Variants in ESRRG observed in about 807,000 individuals in gnomAD.
ESRRG encodes the protein estrogen related receptor gamma, also known as estrogen-related receptor gamma.
A neutral mutation model predicts 44.0 loss-of-function variants in ESRRG; 13 were observed. That is an observed-to-expected ratio of 0.30 (90% confidence interval 0.19 to 0.47). ESRRG has a LOEUF of 0.47. ESRRG is among the 20% of genes least tolerant of loss of function. ESRRG has a pLI of 1.00. For synonymous variants in ESRRG, 215 were observed against 214.6 expected, an observed-to-expected ratio of 1.00 and a Z score of -0.02; for missense variants, 395 against 580.6, an observed-to-expected ratio of 0.68 and a Z score of 3.29.
At chr1:216,713,424 GC>G (rs2151990972) in intron 1 of ESRRG, among the ~76,000 whole-genome samples, 1 of 150,298 alleles carries the variant, frequency 6.7e-6, no homozygotes, top group South Asian at 2.1e-4. Flanking sequence ...ACTCACAGAT[GC>G]CCTAACTTAT....
intron 1 of ESRRG, among the ~76,000 whole-genome samples, chr1:217,008,930 T>G (rs545087083): frequency 6.6e-6 from 1 of 152,338 alleles, no homozygotes; most frequent in Non-Finnish European, 1.5e-5. Flanking sequence ...CTTGAGACTT[T>G]AATCAGAGAT....
chr1:216,562,784 G>T (rs1369234892), intron 5 of ESRRG, among the ~76,000 whole-genome samples: 2 of 151,986 alleles, frequency 1.3e-5, no homozygotes, highest in Non-Finnish European at 2.9e-5. Context: ...ACCTAAAAAA[G>T]TGTCTATGGA....
At chr1:216,607,549 A>G (rs1356074597) in intron 3 of ESRRG, among the ~76,000 whole-genome samples, 1 of 152,176 alleles carries the variant, frequency 6.6e-6, no homozygotes, top group Non-Finnish European at 1.5e-5. Context: ...CCTGTTTCTG[A>G]AACACCACTC....
At chr1:216,965,279 A>T (rs1183388498) in intron 1 of ESRRG, among the ~76,000 whole-genome samples, 1 of 152,124 alleles carries the variant, frequency 6.6e-6, no homozygotes, top group Non-Finnish European at 1.5e-5. Context: ...AGACTTCAGT[A>T]TAAGCTGTCA....
At chr1:217,034,292 A>G (rs2082505532) in intron 1 of ESRRG, among the ~76,000 whole-genome samples, 1 of 152,218 alleles carries the variant, frequency 6.6e-6, no homozygotes, top group Non-Finnish European at 1.5e-5. Context: ...TGGCTTCTAC[A>G]TAAATAAAAA....
chr1:216,743,567 C>T (rs979298323), intron 2 of ESRRG, among the ~76,000 whole-genome samples: 36 of 152,258 alleles, frequency 2.4e-4, no homozygotes, highest in African/African-American at 8.7e-4. Flanking sequence ...AATTAGAAAA[C>T]ACATTGTGCC....
intron 2 of ESRRG, among the ~76,000 whole-genome samples, chr1:216,870,925 T>C (rs1049010655): frequency 3.0e-4 from 46 of 152,114 alleles, no homozygotes; most frequent in African/African-American, 1.1e-3. Context: ...TGTTGATTTC[T>C]AAAACCGTGC....
intron 2 of ESRRG, among the ~76,000 whole-genome samples, chr1:216,910,068 A>G (rs936673164): frequency 2.0e-5 from 3 of 152,194 alleles, no homozygotes; most frequent in African/African-American, 4.8e-5. Context: ...ATTAAGATAA[A>G]TAGAATAATA....
chr1:217,126,164 C>T (rs2092886990), intron 1 of ESRRG, among the ~76,000 whole-genome samples: 1 of 152,126 alleles, frequency 6.6e-6, no homozygotes, highest in African/African-American at 2.4e-5. Flanking sequence ...CTAAGCCTCA[C>T]TTTCCTCTCT....
At chr1:216,645,113 C>T (rs1229236686) in intron 3 of ESRRG, among the ~76,000 whole-genome samples, 1 of 152,112 alleles carries the variant, frequency 6.6e-6, no homozygotes, top group Non-Finnish European at 1.5e-5. Flanking sequence ...ACAATCAATA[C>T]TTCAGTTCCT....
chr1:217,028,888 G>A (rs933821216), intron 1 of ESRRG, among the ~76,000 whole-genome samples: 1 of 152,058 alleles, frequency 6.6e-6, no homozygotes, highest in African/African-American at 2.4e-5. Context: ...AAAATACTAA[G>A]TATTGCACCT....
At chr1:217,082,828 C>CA (rs1179789646) in intron 1 of ESRRG, among the ~76,000 whole-genome samples, 1 of 152,134 alleles carries the variant, frequency 6.6e-6, no homozygotes, top group Non-Finnish European at 1.5e-5. Flanking sequence ...TATCTTATCA[C>CA]AAGTGATAAA....
intron 5 of ESRRG, among the ~76,000 whole-genome samples, chr1:216,522,538 C>T (rs2046410659): frequency 1.3e-5 from 2 of 152,084 alleles, no homozygotes; most frequent in South Asian, 2.1e-4. Flanking sequence ...GTACAAAGAG[C>T]TCTCCTGCCC....
intron 3 of ESRRG, among the ~76,000 whole-genome samples, chr1:216,574,050 C>T (rs1206475797): frequency 6.6e-6 from 1 of 152,010 alleles, no homozygotes; most frequent in Non-Finnish European, 1.5e-5. Flanking sequence ...CACTTGAAAA[C>T]CACTTTTGAA....
intron 1 of ESRRG, among the ~76,000 whole-genome samples, chr1:216,698,082 G>T (rs901798816): frequency 6.6e-6 from 1 of 152,140 alleles, no homozygotes; most frequent in African/African-American, 2.4e-5. Context: ...AAGGGAATTA[G>T]ACATGGCAGG....
intron 1 of ESRRG, among the ~76,000 whole-genome samples, chr1:217,088,945 C>T (rs1222140051): frequency 1.3e-5 from 2 of 152,012 alleles, no homozygotes; most frequent in African/African-American, 2.4e-5. Flanking sequence ...TTCAGCGACT[C>T]CCTCGGGAAG....
chr1:216,862,622 G>C (rs2096072111), intron 2 of ESRRG: 1 of 152,064 alleles, frequency 6.6e-6, no homozygotes, highest in Admixed American at 6.6e-5. Context: ...TACTGATTGA[G>C]ACAAACCAGA....
intron 1 of ESRRG, among the ~76,000 whole-genome samples, chr1:217,134,445 G>A (rs1005941641): frequency 1.3e-5 from 2 of 152,192 alleles, no homozygotes; most frequent in Non-Finnish European, 2.9e-5. Context: ...CGCCAGAGAA[G>A]CGAAGCCAGC....
chr1:217,128,442 T>C (rs2092918942), intron 1 of ESRRG, among the ~76,000 whole-genome samples: 1 of 152,242 alleles, frequency 6.6e-6, no homozygotes, highest in Admixed American at 6.5e-5. Flanking sequence ...CTGACTACTG[T>C]GGCCTATGTG....
Sources: gnomAD v4.1 joint callset for allele counts (sites outside exome capture counted in the v4.1 genomes callset) on GRCh38, gnomAD v4.1.1 for gene constraint, MANE v1.5 for transcripts, NCBI Gene and HGNC (gene_info 2026-07-23, HGNC 2026-07-21) for gene names.